Variants in HINFP observed in about 807,000 individuals in gnomAD.
HINFP encodes histone H4 transcription factor.
In HINFP, 20 loss-of-function variants were observed where a neutral mutation model predicts 50.1. The observed-to-expected ratio is 0.40, with a 90% CI of 0.28 to 0.58. The LOEUF (loss-of-function observed/expected upper bound fraction) is 0.58, where lower values mean the gene tolerates loss of function less well. Ranked by LOEUF, HINFP falls within the 20% of genes least tolerant of loss-of-function variation. The probability of loss-of-function intolerance (pLI) is 0.45; values close to 1 mark genes in which losing one functional copy is unlikely to be tolerated. For synonymous variants in HINFP, 247 were observed against 243.7 expected (o/e 1.01, Z -0.13); for missense variants, 505 against 664.1 (o/e 0.76, Z 2.63).
chr11:119,123,035 C>T (rs1030610837), intron 1 of HINFP, among the ~76,000 whole-genome samples: 3 of 138,308 alleles, frequency 2.2e-5, no homozygotes, highest in Non-Finnish European at 3.0e-5. Context: ...GGCTAAGTCA[C>T]GAGAATCGCT....
At position 119,132,002 on chromosome 11, in the gene HINFP, G is replaced by T. The variant is rs776135079; in HGVS notation, c.676+20G>T. The T allele has an allele frequency of 1.2e-6, 2 of 1,613,310 alleles. No homozygotes were observed. The highest frequency in any genetic ancestry group is 1.7e-6 in the Non-Finnish European group (2 of 1,179,804). On this transcript the variant is annotated intron_variant, in intron 5 of 9. Coordinates refer to ENST00000350777, the MANE Select transcript of HINFP (RefSeq NM_198971.3). ...TGGATCGTAAGTAGTCAGAGGAAGT[G>T]GGGTGGATGCAGGCTGTCCTGCTTG...
In HINFP at chr11:119,135,716, T is replaced by A. The variant is rs1230137223; in HGVS notation, c.*1218T>A. On this transcript the variant is annotated 3_prime_UTR_variant, in exon 10 of 10. Coordinates refer to ENST00000350777, the MANE Select transcript of HINFP (RefSeq NM_198971.3). ...AAAAGGATCTCTGGGCCTTTTTTTGTAAGACCTAATTCTATTACTAGAAAA... is the reference window on the plus strand; with the variant it reads ...AAAAGGATCTCTGGGCCTTTTTTTGAAAGACCTAATTCTATTACTAGAAAA... The A allele has an allele frequency of 6.6e-6, 1 of 152,158 alleles. No individual in the cohort carries two copies. The highest frequency in any genetic ancestry group is 1.5e-5 in the Non-Finnish European group (1 of 68,038). The allele number at this position is 152,158 out of a possible 1,614,324, so 9.4% of individuals were successfully genotyped here.
chr11:119,134,052 GT>G lies in HINFP; in HGVS notation c.1140-29del. Reference sequence around the variant, plus strand: ...GCCATTTCTGTATCCCCCTGCCTGGGTTTGCTGCCCTTTATGCTCCTACCTC... The same window carrying G: ...GCCATTTCTGTATCCCCCTGCCTGGGTTGCTGCCCTTTATGCTCCTACCTC... On this transcript the variant is annotated intron_variant, in intron 9 of 9. Coordinates refer to ENST00000350777, the MANE Select transcript of HINFP (RefSeq NM_198971.3). This position sits in a 1 kb window ranked among gnomAD's most constrained non-coding sequence, Gnocchi z 4.3. The G allele has an allele frequency of 6.2e-7, 1 of 1,613,764 alleles. No individual in the cohort carries two copies. The highest frequency in any genetic ancestry group is 8.5e-7 in the Non-Finnish European group (1 of 1,179,782).
intron 2 of HINFP, among the ~76,000 whole-genome samples, chr11:119,129,249 C>G (rs1257399989): frequency 1.3e-5 from 2 of 152,008 alleles, no homozygotes; most frequent in Non-Finnish European, 2.9e-5. Context: ...CCATATTGGC[C>G]AGGCTGGTCC....
rs1435467800 is a variant in HINFP, at chr11:119,134,907, G to A, written c.*409G>A. 6.1e-6 allele frequency: 1 copy of A among 162,900 alleles called. No homozygotes were observed. The highest frequency in any genetic ancestry group is 2.4e-5 in the African/African-American group (1 of 41,762). The allele number at this position is 162,900 out of a possible 1,614,324, so 10.1% of individuals were successfully genotyped here. ...GGTCCTTTCTTTGTCACCAGCCAAG[G>A]CATTGATAACCAAGTAGCCATTTTC... On this transcript the variant is annotated 3_prime_UTR_variant, in exon 10 of 10. Transcript: ENST00000350777. This position sits in a 1 kb window ranked among gnomAD's most constrained non-coding sequence, Gnocchi z 4.3.
In HINFP at chr11:119,132,000, G is replaced by C. The variant is rs781207531; in HGVS notation, c.676+18G>C. The C allele has an allele frequency of 1.3e-5, 21 of 1,613,676 alleles. No individual in the cohort carries two copies. Among genetic ancestry groups the C allele is most frequent in the Non-Finnish European group, 1.8e-5 (21 of 1,179,900 alleles). The stretch of plus-strand genomic sequence containing the variant: ...ATTGGATCGTAAGTAGTCAGAGGAA[G>C]TGGGGTGGATGCAGGCTGTCCTGCT... On this transcript the variant is annotated intron_variant, in intron 5 of 9. Coordinates refer to ENST00000350777, the MANE Select transcript of HINFP (RefSeq NM_198971.3). This position sits in a 1 kb window ranked among gnomAD's most constrained non-coding sequence, Gnocchi z 4.2.
Position 119,126,979 on chromosome 11 carries a change from ATC to A in HINFP, c.37_38del (p.Leu13ValfsTer5). 1 of 1,613,774 alleles carries A rather than the reference ATC, an allele frequency of 6.2e-7. No homozygotes were observed. Reference sequence around the variant, plus strand: ...CCTGGGAAAGTTCCCCGAAAGGAGAATCTGTGGCTACAGTGTGAGTGGGGGTC... The same window carrying A: ...CCTGGGAAAGTTCCCCGAAAGGAGAATGTGGCTACAGTGTGAGTGGGGGTC... On this transcript the variant is annotated frameshift_variant, in exon 2 of 10. Transcript: ENST00000350777. LOFTEE classifies it high-confidence loss of function.
intron 1 of HINFP, among the ~76,000 whole-genome samples, chr11:119,122,181 G>A (rs1947104844): frequency 6.6e-6 from 1 of 152,166 alleles, no homozygotes; most frequent in African/African-American, 2.4e-5. Flanking sequence ...TGAAGATCAT[G>A]CCCCTATCTC....
At chr11:119,127,644 C>A (rs1018866715) in intron 2 of HINFP, among the ~76,000 whole-genome samples, 6 of 151,664 alleles carry the variant, frequency 4.0e-5, no homozygotes, top group African/African-American at 1.5e-4. Context: ...CTCAAGGGAT[C>A]CTCCTGCCTC....
intron 5 of HINFP, 73 bp downstream of exon 5, chr11:119,132,055 G>C (rs915984150): frequency 1.1e-5 from 17 of 1,561,772 alleles, no homozygotes; most frequent in Non-Finnish European, 7.0e-6. Flanking sequence ...GTTTCTAGTG[G>C]GGGTGGCCAC....
chr11:119,135,663 AAT>A lies in HINFP; in HGVS notation c.*1167_*1168del, dbSNP rs1948018372. On this transcript the variant is annotated 3_prime_UTR_variant, in exon 10 of 10. Transcript: ENST00000350777. Reference sequence around the variant, plus strand: ...ACTGCTATGCTGGAGAGGTCAAGGAAATAGTCTTGGGGACAGGAAGCTGCCCA... The same window carrying A: ...ACTGCTATGCTGGAGAGGTCAAGGAAAGTCTTGGGGACAGGAAGCTGCCCA... 6.6e-6 allele frequency: 1 copy of A among 152,184 alleles called. No homozygotes were observed. Among genetic ancestry groups the A allele is most frequent in the Non-Finnish European group, 1.5e-5 (1 of 68,028 alleles). 9.4% of individuals were successfully genotyped at this position (152,184 alleles called of 1,614,324 possible).
Position 119,131,407 on chromosome 11 carries a change from A to C in HINFP, c.412-128A>C, listed in dbSNP as rs929780033. ...CCCGGCCACTCCTCCATTTCTGTGC[A>C]GTGCCTTTCCTCAAAATTTCCCATC... On this transcript the variant is annotated intron_variant, in intron 3 of 9. Coordinates refer to ENST00000350777, the MANE Select transcript of HINFP (RefSeq NM_198971.3). This position sits in a 1 kb window ranked among gnomAD's most constrained non-coding sequence, Gnocchi z 4.2. 1.4e-6 allele frequency: 1 copy of C among 715,120 alleles called. No homozygotes were observed. Among genetic ancestry groups the C allele is most frequent in the African/African-American group, 1.7e-5 (1 of 57,484 alleles). 44.3% of individuals were successfully genotyped at this position (715,120 alleles called of 1,614,324 possible).
chr11:119,128,045 G>C (rs1455145270), intron 2 of HINFP, among the ~76,000 whole-genome samples: 2 of 151,954 alleles, frequency 1.3e-5, no homozygotes, highest in South Asian at 4.1e-4. Flanking sequence ...GTAGAGATGG[G>C]GTTTCACCAT....
At chr11:119,122,576 G>A (rs1056726485) in intron 1 of HINFP, among the ~76,000 whole-genome samples, 3 of 152,236 alleles carry the variant, frequency 2.0e-5, no homozygotes, top group South Asian at 4.1e-4. Context: ...TTCCCGGAAT[G>A]TGATTATCTC....
rs1948013213 is a variant in HINFP, at chr11:119,135,507, A to G, written c.*1009A>G. ...CCAAACTAGAAAATTGTGTGTCTGAATGTGCATTTTCCTGGGGAAAGGATC... is the reference window on the plus strand; with the variant it reads ...CCAAACTAGAAAATTGTGTGTCTGAGTGTGCATTTTCCTGGGGAAAGGATC... On this transcript the variant is annotated 3_prime_UTR_variant, in exon 10 of 10. Coordinates refer to ENST00000350777, the MANE Select transcript of HINFP (RefSeq NM_198971.3). 2.0e-5 allele frequency: 3 copies of G among 152,126 alleles called. No individual in the cohort carries two copies. The South Asian group carries it at 6.2e-4, about 32-fold the overall frequency. The allele number at this position is 152,126 out of a possible 1,614,324, so 9.4% of individuals were successfully genotyped here. A position where few individuals can be genotyped will look rare whatever the true frequency, so the allele number is the denominator to read the frequency against.
At chr11:119,126,347 TCAATCTCAAAAAAAAAAAAAAAAAAAG>T (rs1947398767) in intron 1 of HINFP, 1 of 109,612 alleles carries the variant, frequency 9.1e-6, no homozygotes, top group South Asian at 3.3e-4. Flanking sequence ...TGAGCGAAAC[TCAATCTCAAAAAAAAAAAAAAAAAAAG>T]CACCTACGGC....
chr11:119,133,008 TG>T lies in HINFP; in HGVS notation c.1014+10del. On this transcript the variant is annotated splice_region_variant and intron_variant, in intron 8 of 9. Coordinates refer to ENST00000350777, the MANE Select transcript of HINFP (RefSeq NM_198971.3). The stretch of plus-strand genomic sequence containing the variant: ...ATTACCGCAAAGTACATGAAGTGAG[TG>T]GGGCTGGTGTTGGGAAGGACTAGTG... The T allele has an allele frequency of 6.2e-7, 1 of 1,614,150 alleles. No individual in the cohort carries two copies. The highest frequency in any genetic ancestry group is 8.5e-7 in the Non-Finnish European group (1 of 1,180,012).
At chr11:119,132,159 A>G (rs1263946694) in intron 5 of HINFP, 177 bp downstream of exon 5, 1 of 675,748 alleles carries the variant, frequency 1.5e-6, no homozygotes, top group Non-Finnish European at 2.5e-6. Flanking sequence ...ATTGTTATTC[A>G]GTACTTACTG....
At chr11:119,129,023 AAAAG>A (rs2135053119) in intron 2 of HINFP, among the ~76,000 whole-genome samples, 1 of 152,220 alleles carries the variant, frequency 6.6e-6, no homozygotes, top group East Asian at 1.9e-4. Context: ...GGCAGGATTT[AAAAG>A]AAAAAGGAAA....
Sources: allele counts gnomAD v4.1 joint callset (sites outside exome capture counted in the v4.1 genomes callset), GRCh38; gene constraint gnomAD v4.1.1; non-coding constraint Gnocchi (gnomAD v3.1); transcripts MANE v1.5; gene names NCBI Gene and HGNC (gene_info 2026-07-23, HGNC 2026-07-21).